Variants in ZBTB7C observed in about 807,000 individuals in gnomAD.
The protein encoded by ZBTB7C is zinc finger and BTB domain containing 7C.
ZBTB7C carries 8 observed loss-of-function variants against 25.7 expected under a neutral mutation model. The observed-to-expected ratio is 0.31, with a 90% CI of 0.18 to 0.56. The LOEUF is 0.56. Ranked by LOEUF, ZBTB7C falls within the 20% of genes least tolerant of loss-of-function variation. The probability of loss-of-function intolerance (pLI) is 0.91; values close to 1 mark genes in which losing one functional copy is unlikely to be tolerated. For synonymous variants in ZBTB7C, 394 were observed against 369.0 expected (o/e 1.07, Z -0.78); for missense variants, 824 against 855.2 (o/e 0.96, Z 0.46).
At chr18:48,293,120 G>A (rs1014896767) in intron 2 of ZBTB7C, among the ~76,000 whole-genome samples, 17 of 152,220 alleles carry the variant, frequency 1.1e-4, no homozygotes, top group African/African-American at 2.2e-4. Flanking sequence ...GTCTTAGTCC[G>A]TGTGGGCTGC....
intron 1 of ZBTB7C, among the ~76,000 whole-genome samples, chr18:48,388,414 T>C (rs931781030): frequency 6.6e-6 from 1 of 152,218 alleles, no homozygotes; most frequent in Non-Finnish European, 1.5e-5. Context: ...TCCCGCAGAC[T>C]TCCCCACAGC....
At chr18:48,115,465 C>T (rs2039400671) in intron 3 of ZBTB7C, among the ~76,000 whole-genome samples, 1 of 152,062 alleles carries the variant, frequency 6.6e-6, no homozygotes, top group Non-Finnish European at 1.5e-5. Context: ...GTCTCGATCT[C>T]CTGACCTCGA....
At chr18:48,368,974 G>T (rs1392776284) in intron 1 of ZBTB7C, among the ~76,000 whole-genome samples, 1 of 152,108 alleles carries the variant, frequency 6.6e-6, no homozygotes, top group East Asian at 1.9e-4. Flanking sequence ...AGATAAAAGA[G>T]GTACCTTAGG....
chr18:48,330,440 C>T (rs1322899135), intron 2 of ZBTB7C, among the ~76,000 whole-genome samples: 1 of 152,152 alleles, frequency 6.6e-6, no homozygotes, highest in African/African-American at 2.4e-5. Context: ...TCTCTGCACC[C>T]AAGAAACCGG....
chr18:48,234,067 T>C (rs1404092265), intron 2 of ZBTB7C, among the ~76,000 whole-genome samples: 3 of 152,076 alleles, frequency 2.0e-5, no homozygotes, highest in East Asian at 1.9e-4. Context: ...CTCAGTGGAA[T>C]TGCTCCCAGA....
intron 1 of ZBTB7C, among the ~76,000 whole-genome samples, chr18:48,371,900 G>C (rs923262397): frequency 8.5e-5 from 13 of 152,154 alleles, no homozygotes; most frequent in African/African-American, 3.1e-4. Context: ...ATCGCCAGCT[G>C]ATCACTCACT....
intron 3 of ZBTB7C, among the ~76,000 whole-genome samples, chr18:48,108,293 T>G (rs752963825): frequency 8.5e-5 from 13 of 152,254 alleles, no homozygotes; most frequent in East Asian, 3.9e-4. Context: ...CGACCAAGAA[T>G]GAGCTTCGGC....
Position 48,041,039 on chromosome 18 carries a change from G to C in ZBTB7C, c.69C>G (p.Ser23Arg). ...GGCCATCGTGCCGTTGCTCATTGAG[G>C]CTGCACAGGACCTCACTGCTGTGGT... ...FPNHSSEVLC[S>R]LNEQRHDGLL... The change falls in exon 4 of 5, where the codon AGC (serine) becomes AGG (arginine). Residue 23 changes from serine to arginine, a missense_variant. This residue lies in a region of ZBTB7C where 117 missense variants were observed against 167.7 expected (regional missense o/e 0.70). Transcript: ENST00000590800. 6.2e-7 allele frequency: 1 copy of C among 1,613,928 alleles called. No homozygotes were observed. Among genetic ancestry groups the C allele is most frequent in the Non-Finnish European group, 8.5e-7 (1 of 1,179,932 alleles).
intron 2 of ZBTB7C, among the ~76,000 whole-genome samples, chr18:48,298,396 C>T (rs2045457194): frequency 6.6e-6 from 1 of 152,032 alleles, no homozygotes; most frequent in South Asian, 2.1e-4. Flanking sequence ...GGGAAGATGA[C>T]AGTGGGCACT....
At chr18:48,294,286 G>A (rs1036724336) in intron 2 of ZBTB7C, among the ~76,000 whole-genome samples, 11 of 152,332 alleles carry the variant, frequency 7.2e-5, no homozygotes, top group Admixed American at 2.6e-4. Flanking sequence ...ACCAGCAGCC[G>A]AAGCAGCTAC....
intron 3 of ZBTB7C, among the ~76,000 whole-genome samples, chr18:48,159,063 CAG>C (rs1241983055): frequency 1.3e-5 from 2 of 151,914 alleles, no homozygotes; most frequent in African/African-American, 4.8e-5. Context: ...ACAGGGGATG[CAG>C]AGAGTCAAGT....
intron 3 of ZBTB7C, among the ~76,000 whole-genome samples, chr18:48,047,614 G>A (rs7505643): frequency 1 from 152,282 of 152,282 alleles, 76,141 homozygotes; most frequent in Non-Finnish European, 1. Context: ...TCTAGAACCC[G>A]GGTAAGTCCA....
intron 2 of ZBTB7C, among the ~76,000 whole-genome samples, chr18:48,199,206 G>C (rs1017987847): frequency 6.6e-6 from 1 of 152,120 alleles, no homozygotes; most frequent in Non-Finnish European, 1.5e-5. Context: ...GATGTGCCCC[G>C]TTGTGGGTCT....
chr18:48,250,829 T>C (rs2043832130), intron 2 of ZBTB7C, among the ~76,000 whole-genome samples: 1 of 152,106 alleles, frequency 6.6e-6, no homozygotes, highest in South Asian at 2.1e-4. Flanking sequence ...ATCATCCTGT[T>C]TTTCTATAAA....
In ZBTB7C at chr18:48,269,467, T is replaced by C. The variant is rs1362106190; in HGVS notation, c.-79+68707A>G. 2.6e-5 allele frequency among the ~76,000 whole-genome samples: 4 copies of C among 152,212 alleles called. No individual in the cohort carries two copies. In the East Asian group the frequency reaches 7.7e-4, roughly 29 times the overall value. ...TCAACACATGATTTTGTGGGGGCCA[T>C]CAACAGTCAGACCATAGCACATATA... On this transcript the variant is annotated intron_variant, in intron 2 of 4. Coordinates refer to ENST00000590800, the MANE Select transcript of ZBTB7C (RefSeq NM_001318841.2).
chr18:48,051,655 T>C (rs2144250079), intron 3 of ZBTB7C, among the ~76,000 whole-genome samples: 1 of 152,316 alleles, frequency 6.6e-6, no homozygotes, highest in Admixed American at 6.5e-5. Context: ...CTTTTGCTAA[T>C]GCACCATGCA....
At chr18:48,349,266 T>C (rs892832232) in intron 1 of ZBTB7C, among the ~76,000 whole-genome samples, 1 of 152,230 alleles carries the variant, frequency 6.6e-6, no homozygotes, top group Non-Finnish European at 1.5e-5. Context: ...GAAATGGGCA[T>C]GGATGAAAGA....
chr18:48,037,406 C>T (rs1333671817), intron 4 of ZBTB7C, among the ~76,000 whole-genome samples: 1 of 152,218 alleles, frequency 6.6e-6, no homozygotes, highest in Non-Finnish European at 1.5e-5. Flanking sequence ...GAGGGAGGAA[C>T]CTGGAATGTC....
At chr18:48,305,335 G>C (rs999667678) in intron 2 of ZBTB7C, among the ~76,000 whole-genome samples, 1 of 152,210 alleles carries the variant, frequency 6.6e-6, no homozygotes, top group African/African-American at 2.4e-5. Flanking sequence ...TAGTGAGTAG[G>C]AATCTGTGAT....
Sources: gnomAD v4.1 joint callset for allele counts (sites outside exome capture counted in the v4.1 genomes callset) on GRCh38, gnomAD v4.1.1 for gene constraint, gnomAD v4.1.1 regional missense constraint, MANE v1.5 for transcripts, NCBI Gene and HGNC (gene_info 2026-07-23, HGNC 2026-07-21) for gene names.